The following IKZF2 variants were observed in gnomAD, a reference collection of about 807,000 sequenced individuals.
IKZF2 encodes zinc finger protein Helios.
IKZF2 carries 15 observed loss-of-function variants against 49.2 expected under a neutral mutation model. The ratio of observed to expected loss-of-function variants is 0.30; its 90% CI spans 0.20 to 0.47. The LOEUF is 0.47. Ranked by LOEUF, IKZF2 falls within the 20% of genes least tolerant of loss-of-function variation. IKZF2 has a pLI of 1.00. For synonymous variants in IKZF2, 227 were observed against 221.4 expected (o/e 1.03, Z -0.23); for missense variants, 567 against 664.6 (o/e 0.85, Z 1.61).
intron 4 of IKZF2, among the ~76,000 whole-genome samples, chr2:213,146,404 G>A (rs1264936835): frequency 6.6e-6 from 1 of 151,782 alleles, no homozygotes; most frequent in African/African-American, 2.4e-5. Context: ...TAAATGATAC[G>A]GGAATTGTAA....
At chr2:213,030,264 C>T (rs1009693246) in intron 6 of IKZF2, among the ~76,000 whole-genome samples, 29 of 150,300 alleles carry the variant, frequency 1.9e-4, no homozygotes, top group Non-Finnish European at 3.6e-4. Flanking sequence ...TCCACACCTA[C>T]TTTTTTTTTC....
At chr2:213,086,134 A>G (rs1704563672) in intron 4 of IKZF2, among the ~76,000 whole-genome samples, 1 of 152,198 alleles carries the variant, frequency 6.6e-6, no homozygotes, top group Non-Finnish European at 1.5e-5. Context: ...GACTTGGAAA[A>G]AAACTTTTGA....
intron 4 of IKZF2, among the ~76,000 whole-genome samples, chr2:213,073,762 T>G (rs188902790): frequency 1.8e-3 from 279 of 152,356 alleles, no homozygotes; most frequent in African/African-American, 6.4e-3. Flanking sequence ...AGGTCTGGAG[T>G]GCAGTGGCAC....
At chr2:213,046,889 A>G (rs1700200553) in intron 6 of IKZF2, among the ~76,000 whole-genome samples, 2 of 152,036 alleles carry the variant, frequency 1.3e-5, no homozygotes, top group South Asian at 4.2e-4. Context: ...TGACAATGGG[A>G]GTAGGGACAC....
intron 6 of IKZF2, among the ~76,000 whole-genome samples, chr2:213,028,507 T>C (rs918277808): frequency 2.0e-5 from 3 of 152,146 alleles, no homozygotes; most frequent in Admixed American, 2.0e-4. Context: ...TGATAATGTC[T>C]CATCTCTGCA....
In IKZF2 at chr2:213,148,672, T is replaced by C. The variant is rs772568516; in HGVS notation, c.-15-28A>G. On this transcript the variant is annotated intron_variant, in intron 2 of 8. Coordinates refer to ENST00000434687, the MANE Select transcript of IKZF2 (RefSeq NM_001387220.1). ...GCAAAACAAAAGATTATACCCTTAA[T>C]ACAATGATTCCTTTCAGTATCTGCC... 3 of 1,579,150 alleles carry C rather than the reference T, an allele frequency of 1.9e-6. No homozygotes were observed. The South Asian group carries it at 3.4e-5, about 18-fold the overall frequency.
In IKZF2 at chr2:213,113,165, T is replaced by C. The variant is rs146505240; in HGVS notation, c.139+34543A>G. Among the ~76,000 whole-genome samples, 936 of 152,274 alleles carry C rather than the reference T, an allele frequency of 6.1e-3. 9 individuals carry two copies. The highest frequency in any genetic ancestry group is 0.014 in the Middle Eastern group (4 of 294). Reference sequence around the variant, plus strand: ...AGGCCTTGAGATAACCAGTAAATATTAGCTAAGTTAAATAATCATTAAGTT... The same window carrying C: ...AGGCCTTGAGATAACCAGTAAATATCAGCTAAGTTAAATAATCATTAAGTT... On this transcript the variant is annotated intron_variant, in intron 4 of 8. Transcript: ENST00000434687.
Position 213,110,410 on chromosome 2 carries a change from G to T in IKZF2, c.139+37298C>A, listed in dbSNP as rs185604545. 1.2e-3 allele frequency among the ~76,000 whole-genome samples: 180 copies of T among 149,724 alleles called. 2 individuals are homozygous for T. Among genetic ancestry groups the T allele is most frequent in the African/African-American group, 2.8e-3 (113 of 40,792 alleles). ...ATAATTATTAGTAAACATTTCTGGGGTTTTTTTTACCCAACTTATTTTCTT... is the reference window on the plus strand; with the variant it reads ...ATAATTATTAGTAAACATTTCTGGGTTTTTTTTTACCCAACTTATTTTCTT... On this transcript the variant is annotated intron_variant, in intron 4 of 8. Coordinates refer to ENST00000434687, the MANE Select transcript of IKZF2 (RefSeq NM_001387220.1).
chr2:213,146,762 G>T (rs958770097), intron 4 of IKZF2, among the ~76,000 whole-genome samples: 2 of 134,456 alleles, frequency 1.5e-5, no homozygotes, highest in Non-Finnish European at 3.3e-5. Flanking sequence ...AAATCTTCGG[G>T]GGGGGGGAAG....
At chr2:213,094,000 T>C (rs1705662092) in intron 4 of IKZF2, among the ~76,000 whole-genome samples, 1 of 152,166 alleles carries the variant, frequency 6.6e-6, no homozygotes, top group South Asian at 2.1e-4. Context: ...TTAGAGGAAA[T>C]GTTTGATTTG....
intron 4 of IKZF2, among the ~76,000 whole-genome samples, chr2:213,134,370 T>A (rs2060581849): frequency 6.6e-6 from 1 of 152,186 alleles, no homozygotes; most frequent in South Asian, 2.1e-4. Flanking sequence ...AAAAGACAAC[T>A]GAGGGGCAAG....
At chr2:213,036,545 T>C (rs995929533) in intron 6 of IKZF2, among the ~76,000 whole-genome samples, 1 of 152,186 alleles carries the variant, frequency 6.6e-6, no homozygotes, top group African/African-American at 2.4e-5. Flanking sequence ...GTCCATTAAT[T>C]CATTCAATCA....
chr2:213,123,494 C>G (rs1432813345), intron 4 of IKZF2, among the ~76,000 whole-genome samples: 1 of 151,968 alleles, frequency 6.6e-6, no homozygotes, highest in Non-Finnish European at 1.5e-5. Context: ...AAGGATATAC[C>G]TAATGTAAAT....
chr2:213,150,107 A>G lies in IKZF2; in HGVS notation c.-16+37T>C, dbSNP rs147045434. ...TAACCCTCAGAGAAGGAAAGAAGGA[A>G]AAAGAAAAAGGAGAAAGAGAAACGA... On this transcript the variant is annotated intron_variant, in intron 2 of 8. Coordinates refer to ENST00000434687, the MANE Select transcript of IKZF2 (RefSeq NM_001387220.1). 127 of 1,203,950 alleles carry G rather than the reference A, an allele frequency of 1.1e-4. No individual in the cohort carries two copies. In the Admixed American group the frequency reaches 2.4e-3, roughly 23 times the overall value. The allele number at this position is 1,203,950 out of a possible 1,614,324, so 74.6% of individuals were successfully genotyped here.
At chr2:213,085,118 T>C (rs1240303245) in intron 4 of IKZF2, among the ~76,000 whole-genome samples, 2 of 152,200 alleles carry the variant, frequency 1.3e-5, no homozygotes, top group Admixed American at 6.5e-5. Context: ...CAGAATCAAG[T>C]TGAATTCTTC....
In IKZF2 at chr2:213,148,749, T is replaced by C. The variant is rs2061167640; in HGVS notation, c.-15-105A>G. 7.2e-6 allele frequency: 6 copies of C among 831,456 alleles called. No individual in the cohort carries two copies. In the South Asian group the frequency reaches 7.7e-5, roughly 11 times the overall value. The allele number at this position is 831,456 out of a possible 1,614,324, so 51.5% of individuals were successfully genotyped here. A position where few individuals can be genotyped will look rare whatever the true frequency, so the allele number is the denominator to read the frequency against. On this transcript the variant is annotated intron_variant, in intron 2 of 8. Coordinates refer to ENST00000434687, the MANE Select transcript of IKZF2 (RefSeq NM_001387220.1). The stretch of plus-strand genomic sequence containing the variant: ...CCAAGCAGTTAGTCCATGTTGCTGC[T>C]GCCACCTGTGCCCAGAAACATACAC...
At chr2:213,016,547 C>T (rs566188413) in intron 7 of IKZF2, among the ~76,000 whole-genome samples, 4 of 152,170 alleles carry the variant, frequency 2.6e-5, no homozygotes, top group Non-Finnish European at 5.9e-5. Flanking sequence ...GTATACATTG[C>T]TAGAAACATA....
At chr2:213,146,084 T>C (rs1422564931) in intron 4 of IKZF2, among the ~76,000 whole-genome samples, 1 of 152,102 alleles carries the variant, frequency 6.6e-6, no homozygotes, top group African/African-American at 2.4e-5. Context: ...GGGATGACAG[T>C]CAAGTCTCTG....
At chr2:213,094,606 A>G (rs1705757930) in intron 4 of IKZF2, among the ~76,000 whole-genome samples, 2 of 152,104 alleles carry the variant, frequency 1.3e-5, no homozygotes, top group Admixed American at 6.6e-5. Context: ...ACAGCATATT[A>G]AGCAGGGTAC....
Sources: allele counts gnomAD v4.1 joint callset (sites outside exome capture counted in the v4.1 genomes callset), GRCh38; gene constraint gnomAD v4.1.1; transcripts MANE v1.5; gene names NCBI Gene and HGNC (gene_info 2026-07-23, HGNC 2026-07-21).